Variants in MAP3K5 observed in about 807,000 individuals in gnomAD.
MAP3K5 encodes ASK-1.
Under a neutral mutation model 158.7 loss-of-function variants are expected in MAP3K5, and 56 were observed. The ratio of observed to expected loss-of-function variants is 0.35; its 90% CI spans 0.28 to 0.44. The LOEUF (loss-of-function observed/expected upper bound fraction) is 0.44, where lower values mean the gene tolerates loss of function less well. Ranked by LOEUF, MAP3K5 falls within the 20% of genes least tolerant of loss-of-function variation. The pLI, the probability that MAP3K5 is intolerant of heterozygous loss-of-function variation, is 1.00. For synonymous variants in MAP3K5, 579 were observed against 601.7 expected (o/e 0.96, Z 0.55); for missense variants, 1,294 against 1,674.8 (o/e 0.77, Z 3.97).
chr6:136,738,262 G>A (rs1221881402), intron 1 of MAP3K5, among the ~76,000 whole-genome samples: 3 of 151,990 alleles, frequency 2.0e-5, no homozygotes, highest in South Asian at 4.2e-4. Flanking sequence ...GTAACGTATC[G>A]CTTGGATCCC....
intron 23 of MAP3K5, among the ~76,000 whole-genome samples, chr6:136,590,660 A>C (rs1462605328): frequency 6.6e-6 from 1 of 150,456 alleles, no homozygotes; most frequent in African/African-American, 2.4e-5. Flanking sequence ...CCTGCCTCAG[A>C]CTCCCACGTA....
At chr6:136,761,288 TAAAAAA>T (rs368661488) in intron 1 of MAP3K5, among the ~76,000 whole-genome samples, 1 of 118,432 alleles carries the variant, frequency 8.4e-6, no homozygotes, top group Non-Finnish European at 1.7e-5. Context: ...ACCCTAACTT[TAAAAAA>T]AAAAAAAAAA....
At chr6:136,773,713 T>A (rs894582248) in intron 1 of MAP3K5, among the ~76,000 whole-genome samples, 1 of 152,142 alleles carries the variant, frequency 6.6e-6, no homozygotes, top group African/African-American at 2.4e-5. Context: ...AGTGGTACGA[T>A]CTCAGCTCAC....
chr6:136,571,824 A>C (rs1346996268), intron 25 of MAP3K5, among the ~76,000 whole-genome samples: 8 of 152,114 alleles, frequency 5.3e-5, no homozygotes, highest in Non-Finnish European at 1.5e-5. Flanking sequence ...ATTTCTGAGG[A>C]GCCATCATAC....
intron 25 of MAP3K5, among the ~76,000 whole-genome samples, chr6:136,570,928 C>G (rs1460093598): frequency 6.6e-6 from 1 of 152,168 alleles, no homozygotes; most frequent in African/African-American, 2.4e-5. Flanking sequence ...AGGGATTGAT[C>G]TCCAGTGAAA....
intron 10 of MAP3K5, 128 bp from the exon 11 acceptor site, chr6:136,651,219 A>G: frequency 1.9e-6 from 1 of 532,818 alleles, no homozygotes; most frequent in Non-Finnish European, 3.3e-6. Flanking sequence ...CCTGGAGTAA[A>G]CCATTTCAAC....
In MAP3K5 at chr6:136,562,566, G is replaced by A. The variant is rs746967448; in HGVS notation, c.3811C>T (p.His1271Tyr). 2 of 1,604,830 alleles carry A rather than the reference G, an allele frequency of 1.2e-6. No homozygotes were observed. The highest frequency in any genetic ancestry group is 1.1e-5 in the South Asian group (1 of 90,120). ...RKEKELQALL[H>Y]RAIEEKDQEI... ...TGGTCTTTTTCTTCAATAGCTCGAT[G>A]AAGGAGTGCTTGTAATTCTTTCTCT... Residue 1271 changes from histidine (H) to tyrosine (Y), a missense_variant, in exon 27 of 30, where the codon CAT becomes TAT. His to Tyr is a moderately conservative substitution (Grantham distance 83, BLOSUM62 2). This residue lies in a region of MAP3K5 where 199 missense variants were observed against 220.3 expected (regional missense o/e 0.90). Transcript: ENST00000359015.
chr6:136,654,138 C>T (rs1778640742), intron 10 of MAP3K5, among the ~76,000 whole-genome samples: 1 of 152,214 alleles, frequency 6.6e-6, no homozygotes, highest in Admixed American at 6.5e-5. Flanking sequence ...GTCATATTTG[C>T]TTCGAAATGT....
At chr6:136,610,663 G>A in intron 18 of MAP3K5, among the ~76,000 whole-genome samples, 1 of 142,378 alleles carries the variant, frequency 7.0e-6, no homozygotes. Flanking sequence ...GTAATTACAT[G>A]AAAAGAAAAA....
intron 2 of MAP3K5, among the ~76,000 whole-genome samples, chr6:136,712,758 C>T (rs2014569): frequency 0.52 from 78,498 of 151,512 alleles, 20,548 homozygotes; most frequent in African/African-American, 0.57. Flanking sequence ...TGGGAGATAA[C>T]TGAATTACGG....
intron 7 of MAP3K5, among the ~76,000 whole-genome samples, chr6:136,670,602 G>A (rs1469402398): frequency 6.6e-6 from 1 of 151,726 alleles, no homozygotes; most frequent in Non-Finnish European, 1.5e-5. Context: ...GCACAATAGT[G>A]TATATTGTAG....
chr6:136,576,504 G>A (rs967688501), intron 25 of MAP3K5, among the ~76,000 whole-genome samples: 4 of 151,996 alleles, frequency 2.6e-5, no homozygotes, highest in Non-Finnish European at 4.4e-5. Context: ...ACAGGGTCTT[G>A]ATATTTTGGC....
rs748811001 is a variant in MAP3K5, at chr6:136,614,195, C to G, written c.2242G>C (p.Gly748Arg). The G allele has an allele frequency of 1.9e-6, 3 of 1,613,756 alleles. No homozygotes were observed. The highest frequency in any genetic ancestry group is 2.5e-6 in the Non-Finnish European group (3 of 1,179,806). Residue 748 changes from glycine (G) to arginine (R), a missense_variant, in exon 16 of 30, where the codon GGT becomes CGT. Transcript: ENST00000359015. ...TGCTCCATGAAGATTTTAATGAAAC[C>G]ATTCTCACTGAAAGAGCCCAGATAC... ...VQYLGSFSEN[G>R]FIKIFMEQVP...
At chr6:136,773,960 G>A (rs544245279) in intron 1 of MAP3K5, among the ~76,000 whole-genome samples, 6 of 152,160 alleles carry the variant, frequency 3.9e-5, no homozygotes, top group East Asian at 1.9e-4. Context: ...ATGCCCCGCC[G>A]TCCATCTTTA....
chr6:136,694,130 A>C lies in MAP3K5; in HGVS notation c.1253+10T>G. ...TAAGTAAGTAGCTCATTTATATACT[A>C]TTTACTTACCAAGAAGCTCCATGGT... On this transcript the variant is annotated intron_variant, in intron 7 of 29. Coordinates refer to ENST00000359015, the MANE Select transcript of MAP3K5 (RefSeq NM_005923.4). 1 of 1,606,240 alleles carries C rather than the reference A, an allele frequency of 6.2e-7. No individual in the cohort carries two copies. Among genetic ancestry groups the C allele is most frequent in the Non-Finnish European group, 8.5e-7 (1 of 1,177,070 alleles).
At chr6:136,724,501 G>C (rs1288239784) in intron 1 of MAP3K5, among the ~76,000 whole-genome samples, 1 of 152,094 alleles carries the variant, frequency 6.6e-6, no homozygotes, top group African/African-American at 2.4e-5. Context: ...GCCCACCTCA[G>C]CCTCCCAAAG....
At chr6:136,616,882 C>T (rs1303052572) in intron 15 of MAP3K5, among the ~76,000 whole-genome samples, 1 of 151,928 alleles carries the variant, frequency 6.6e-6, no homozygotes, top group African/African-American at 2.4e-5. Context: ...GCATGCACCA[C>T]CATGCCCAGC....
chr6:136,612,740 A>G (rs555160085), intron 17 of MAP3K5, among the ~76,000 whole-genome samples: 14 of 152,310 alleles, frequency 9.2e-5, no homozygotes, highest in Admixed American at 2.6e-4. Flanking sequence ...CATTGATTCA[A>G]TAAGTATTTA....
intron 23 of MAP3K5, chr6:136,584,505 GGC>G (rs1326812976): frequency 6.5e-6 from 1 of 153,184 alleles, no homozygotes; most frequent in African/African-American, 2.4e-5. Flanking sequence ...AGCTTGTGCA[GGC>G]AAACTCCCAT....
Sources: allele counts gnomAD v4.1 joint callset (sites outside exome capture counted in the v4.1 genomes callset), GRCh38; gene constraint gnomAD v4.1.1; regional missense constraint gnomAD v4.1.1; transcripts MANE v1.5; gene names NCBI Gene and HGNC (gene_info 2026-07-23, HGNC 2026-07-21).